PARVA: variants seen among roughly 807,000 people sequenced by gnomAD.
The protein encoded by PARVA is alpha-parvin.
PARVA carries 25 observed loss-of-function variants against 52.6 expected under a neutral mutation model. The ratio of observed to expected loss-of-function variants is 0.48; its 90% CI spans 0.35 to 0.66. The LOEUF is 0.66. PARVA is among the 30% of genes least tolerant of loss of function. The pLI, the probability that PARVA is intolerant of heterozygous loss-of-function variation, is 0.01. For missense variants in PARVA, 373 were observed against 450.9 expected, an observed-to-expected ratio of 0.83 and a Z score of 1.56; for synonymous variants, 185 against 179.1, an observed-to-expected ratio of 1.03 and a Z score of -0.26.
chr11:12,504,430 G>T lies in PARVA; in HGVS notation c.657+1G>T. On this transcript the variant is annotated splice_donor_variant, in intron 6 of 12. Coordinates refer to ENST00000334956, the MANE Select transcript of PARVA (RefSeq NM_018222.5). LOFTEE classifies it high-confidence loss of function. ...TTCCATCCAAGTGGTTGTGGTCCAG[G>T]TAAGACAGGTAACACTACAAACATC... The T allele has an allele frequency of 1.3e-6, 2 of 1,575,822 alleles. No individual in the cohort carries two copies. Among genetic ancestry groups the T allele is most frequent in the East Asian group, 2.2e-5 (1 of 44,668 alleles).
intron 12 of PARVA, among the ~76,000 whole-genome samples, chr11:12,522,669 T>C (rs1423888454): frequency 2.0e-5 from 3 of 152,194 alleles, no homozygotes; most frequent in Admixed American, 6.5e-5. Context: ...TCCGCCTGCC[T>C]CGGCTTCCCA....
At chr11:12,522,421 C>CTTTTTTTTTTTTTTTTT (rs66494894) in intron 12 of PARVA, among the ~76,000 whole-genome samples, 1 of 134,634 alleles carries the variant, frequency 7.4e-6, no homozygotes, top group African/African-American at 2.8e-5. Flanking sequence ...GAGCTTTATT[C>CTTTTTTTTTTTTTTTTT]TTTTTTTTTT....
intron 1 of PARVA, among the ~76,000 whole-genome samples, chr11:12,402,362 G>T (rs187218470): frequency 6.6e-6 from 1 of 152,184 alleles, no homozygotes; most frequent in South Asian, 2.1e-4. Context: ...TATTCCTGAC[G>T]TCATCCATTG....
At chr11:12,472,823 C>T (rs1370491309) in intron 1 of PARVA, among the ~76,000 whole-genome samples, 3 of 152,122 alleles carry the variant, frequency 2.0e-5, no homozygotes, top group Non-Finnish European at 4.4e-5. Flanking sequence ...TGGCAAAAAG[C>T]AAGGGGATTT....
chr11:12,392,266 CTTTT>C (rs113647098), intron 1 of PARVA, among the ~76,000 whole-genome samples: 1 of 136,188 alleles, frequency 7.3e-6, no homozygotes. Context: ...TACTTCATTC[CTTTT>C]TTTTTTTTTT....
Position 12,530,511 on chromosome 11 carries a change from A to C in PARVA, c.*2586A>C, listed in dbSNP as rs1327805800. ...TTAATACATACATGGTGCAAAATTTAAAAAGCGCAAATAGGTATCTAGTGG... is the reference window on the plus strand; with the variant it reads ...TTAATACATACATGGTGCAAAATTTCAAAAGCGCAAATAGGTATCTAGTGG... On this transcript the variant is annotated 3_prime_UTR_variant, in exon 13 of 13. Transcript: ENST00000334956. 1 of 152,216 alleles carries C rather than the reference A, an allele frequency of 6.6e-6. No individual in the cohort carries two copies. Among genetic ancestry groups the C allele is most frequent in the Non-Finnish European group, 1.5e-5 (1 of 68,044 alleles). The allele number at this position is 152,216 out of a possible 1,614,324, so 9.4% of individuals were successfully genotyped here.
chr11:12,429,918 T>C (rs1045348908), intron 1 of PARVA, among the ~76,000 whole-genome samples: 2 of 152,168 alleles, frequency 1.3e-5, no homozygotes, highest in Admixed American at 1.3e-4. Context: ...CCTTCTTTGC[T>C]GATCGTATAA....
chr11:12,418,831 A>G (rs1467681997), intron 1 of PARVA, among the ~76,000 whole-genome samples: 5 of 152,322 alleles, frequency 3.3e-5, no homozygotes, highest in Middle Eastern at 3.4e-3. Flanking sequence ...TGCACCCTGT[A>G]ACAATAATAA....
intron 1 of PARVA, among the ~76,000 whole-genome samples, chr11:12,422,261 A>C (rs1256243191): frequency 1.3e-5 from 2 of 152,182 alleles, no homozygotes; most frequent in African/African-American, 2.4e-5. Flanking sequence ...ATTCCATTTT[A>C]CTTCTTAATA....
chr11:12,388,395 T>C (rs1939609281), intron 1 of PARVA, among the ~76,000 whole-genome samples: 1 of 152,262 alleles, frequency 6.6e-6, no homozygotes, highest in Non-Finnish European at 1.5e-5. Context: ...TCACTGTCTT[T>C]GCTTCAAACC....
chr11:12,405,851 G>T (rs906053829), intron 1 of PARVA, among the ~76,000 whole-genome samples: 1 of 152,040 alleles, frequency 6.6e-6, no homozygotes, highest in African/African-American at 2.4e-5. Flanking sequence ...ACAGCTACTT[G>T]GGAGGCTGAG....
In PARVA at chr11:12,493,812, A is replaced by C. The variant is rs114512739; in HGVS notation, c.401-2646A>C. Among the ~76,000 whole-genome samples, 288 of 152,196 alleles carry C rather than the reference A, an allele frequency of 1.9e-3. 1 individual carries two copies. Among genetic ancestry groups the C allele is most frequent in the African/African-American group, 6.5e-3 (270 of 41,542 alleles). On this transcript the variant is annotated intron_variant, in intron 4 of 12. Coordinates refer to ENST00000334956, the MANE Select transcript of PARVA (RefSeq NM_018222.5). Reference sequence around the variant, plus strand: ...ATATGTGGGTTTTCCACACTAAGCAATTTTCCAGTTCTCTATGGACAGCAA... The same window carrying C: ...ATATGTGGGTTTTCCACACTAAGCACTTTTCCAGTTCTCTATGGACAGCAA...
At chr11:12,476,380 G>C (rs1941014209) in intron 3 of PARVA, among the ~76,000 whole-genome samples, 1 of 152,054 alleles carries the variant, frequency 6.6e-6, no homozygotes, top group Non-Finnish European at 1.5e-5. Context: ...TGTAATGCCA[G>C]CTACTTTCAG....
chr11:12,481,476 C>G (rs1249114980), intron 4 of PARVA, among the ~76,000 whole-genome samples: 1 of 151,916 alleles, frequency 6.6e-6, no homozygotes, highest in East Asian at 1.9e-4. Flanking sequence ...TCATAAGATA[C>G]TCCAAGACCA....
At chr11:12,422,052 T>A (rs578177833) in intron 1 of PARVA, among the ~76,000 whole-genome samples, 6 of 152,352 alleles carry the variant, frequency 3.9e-5, no homozygotes. Flanking sequence ...AGTCATCATC[T>A]TCTATGTACA....
At chr11:12,450,338 TTTGTG>T (rs1940605889) in intron 1 of PARVA, among the ~76,000 whole-genome samples, 1 of 152,216 alleles carries the variant, frequency 6.6e-6, no homozygotes. Flanking sequence ...TATTTATTAA[TTTGTG>T]TATTTCTTAG....
At chr11:12,513,482 A>G (rs756972530) in intron 9 of PARVA, 122 bp downstream of exon 9, 10 of 858,876 alleles carry the variant, frequency 1.2e-5, no homozygotes, top group Non-Finnish European at 2.0e-5. Flanking sequence ...ACCTCTGCAC[A>G]CACAGGGCTT....
At chr11:12,524,228 G>A (rs963853048) in intron 12 of PARVA, among the ~76,000 whole-genome samples, 1 of 152,128 alleles carries the variant, frequency 6.6e-6, no homozygotes, top group Admixed American at 6.5e-5. Context: ...TACCATTTAG[G>A]GGACCCTTAA....
intron 1 of PARVA, among the ~76,000 whole-genome samples, chr11:12,470,117 A>G (rs1940913876): frequency 6.6e-6 from 1 of 152,264 alleles, no homozygotes; most frequent in African/African-American, 2.4e-5. Context: ...CAGTCAGGCT[A>G]AAATGGAAAT....
Sources: allele counts gnomAD v4.1 joint callset (sites outside exome capture counted in the v4.1 genomes callset), GRCh38; gene constraint gnomAD v4.1.1; transcripts MANE v1.5; gene names NCBI Gene and HGNC (gene_info 2026-07-23, HGNC 2026-07-21).